ARF1: variants seen among roughly 807,000 people sequenced by gnomAD.
ARF1 encodes ADP-ribosylation factor 1.
In ARF1, 1 loss-of-function variant was observed where a neutral mutation model predicts 18.0. The ratio of observed to expected loss-of-function variants is 0.06; its 90% CI spans 0.02 to 0.26. The LOEUF (loss-of-function observed/expected upper bound fraction) is 0.26. ARF1 is among the 10% of genes least tolerant of loss of function. The pLI, the probability that ARF1 is intolerant of heterozygous loss-of-function variation, is 1.00. For synonymous variants in ARF1, 112 were observed against 96.3 expected, an observed-to-expected ratio of 1.16 and a Z score of -0.95; for missense variants, 73 against 247.2, an observed-to-expected ratio of 0.30 and a Z score of 4.73.
At position 228,098,021 on chromosome 1, in the gene ARF1, C is replaced by T. The variant is rs1435879137; in HGVS notation, c.*8C>T. The T allele has an allele frequency of 1.2e-6, 2 of 1,606,016 alleles. No individual in the cohort carries two copies. Among genetic ancestry groups the T allele is most frequent in the East Asian group, 2.2e-5 (1 of 44,694 alleles). ...CTCCGGAACCAGAAGTGAACGCGAC[C>T]CCCCTCCCTCTCACTCCTCTTGCCC... On this transcript the variant is annotated 3_prime_UTR_variant, in exon 5 of 5. Coordinates refer to ENST00000272102, the MANE Select transcript of ARF1 (RefSeq NM_001658.4).
intron 1 of ARF1, among the ~76,000 whole-genome samples, chr1:228,085,130 T>C (rs1449070017): frequency 2.0e-5 from 3 of 152,270 alleles, no homozygotes; most frequent in African/African-American, 7.2e-5. Context: ...TCTTAAATTA[T>C]GAGAACTTGT....
intron 1 of ARF1, chr1:228,090,418 TC>T (rs2032542170): frequency 6.6e-6 from 1 of 152,216 alleles, no homozygotes; most frequent in Non-Finnish European, 1.5e-5. Context: ...GTTGAAGTAC[TC>T]TCCCGGCAGC....
At chr1:228,083,536 C>T (rs948043858) in intron 1 of ARF1, 19 of 152,400 alleles carry the variant, frequency 1.2e-4, no homozygotes, top group African/African-American at 4.6e-4. Flanking sequence ...GCACCGGTGG[C>T]CTCCAGAGGG....
At chr1:228,084,297 C>T (rs1422222761) in intron 1 of ARF1, among the ~76,000 whole-genome samples, 1 of 152,258 alleles carries the variant, frequency 6.6e-6, no homozygotes, top group Non-Finnish European at 1.5e-5. Context: ...GTTAGTCACA[C>T]ATCTCATTGG....
chr1:228,090,645 C>T (rs2032549850), intron 1 of ARF1: 1 of 152,276 alleles, frequency 6.6e-6, no homozygotes, highest in South Asian at 2.1e-4. Context: ...TGCACCCTGC[C>T]TGCCAGAGTA....
intron 1 of ARF1, among the ~76,000 whole-genome samples, chr1:228,094,077 T>C (rs1558086106): frequency 6.6e-6 from 1 of 151,496 alleles, no homozygotes; most frequent in Non-Finnish European, 1.5e-5. Context: ...GCCCCGGGCA[T>C]GAGGAGGCAG....
At chr1:228,092,662 G>A (rs908773802) in intron 1 of ARF1, among the ~76,000 whole-genome samples, 3 of 152,186 alleles carry the variant, frequency 2.0e-5, no homozygotes, top group Non-Finnish European at 4.4e-5. Flanking sequence ...CAGGTTGGGG[G>A]AGATGATCAA....
chr1:228,086,555 C>G (rs1175417480), intron 1 of ARF1, among the ~76,000 whole-genome samples: 1 of 151,784 alleles, frequency 6.6e-6, no homozygotes, highest in Admixed American at 6.6e-5. Context: ...GCATGAAATT[C>G]CTTGTTGATG....
At chr1:228,091,339 T>TA (rs1365128173) in intron 1 of ARF1, among the ~76,000 whole-genome samples, 4 of 152,306 alleles carry the variant, frequency 2.6e-5, no homozygotes, top group Admixed American at 6.5e-5. Context: ...GCAGATGTGT[T>TA]AGAGGGGACC....
Position 228,089,751 on chromosome 1 carries a change from T to G in ARF1, c.-38+6986T>G, listed in dbSNP as rs1035031363. ...GCAGTGTGCTGTTCCAGTTCCCCTT[T>G]TTTTTTTCAAGTGGTGTAGAAAGGG... On this transcript the variant is annotated intron_variant, in intron 1 of 4. Transcript: ENST00000272102. The surrounding 1 kb of genome is among the most constrained non-coding windows in gnomAD (Gnocchi z 4.1). Among the ~76,000 whole-genome samples, 2 of 152,068 alleles carry G rather than the reference T, an allele frequency of 1.3e-5. No homozygotes were observed. The highest frequency in any genetic ancestry group is 2.9e-5 in the Non-Finnish European group (2 of 67,996).
Position 228,097,276 on chromosome 1 carries a change from C to T in ARF1, c.148+14C>T. 6.2e-7 allele frequency: 1 copy of T among 1,609,392 alleles called. No homozygotes were observed. The highest frequency in any genetic ancestry group is 8.5e-7 in the Non-Finnish European group (1 of 1,177,134). On this transcript the variant is annotated intron_variant, in intron 2 of 4. Transcript: ENST00000272102. This position sits in a 1 kb window ranked among gnomAD's most constrained non-coding sequence, Gnocchi z 8.1. ...TTCCCACCATAGGTGAGGTGGGGGC[C>T]AGCAGGGAGTGGGCTGGGCTGGGCT...
intron 1 of ARF1, among the ~76,000 whole-genome samples, chr1:228,095,397 G>A (rs72756224): frequency 0.013 from 2,053 of 152,258 alleles, 28 homozygotes; most frequent in Non-Finnish European, 0.02. Context: ...ATGGCTCAGC[G>A]CAGGCCTAAG....
intron 1 of ARF1, among the ~76,000 whole-genome samples, chr1:228,085,226 A>G (rs1209865301): frequency 6.6e-6 from 1 of 152,240 alleles, no homozygotes; most frequent in Non-Finnish European, 1.5e-5. Flanking sequence ...TCTTTTGGAA[A>G]AGATTTGGCC....
intron 1 of ARF1, 123 bp from the exon 2 acceptor site, chr1:228,096,955 C>G: frequency 1.1e-6 from 1 of 885,762 alleles, no homozygotes; most frequent in Non-Finnish European, 1.7e-6. Flanking sequence ...AGGGCTCTTT[C>G]CCTGTTTCCC....
intron 1 of ARF1, among the ~76,000 whole-genome samples, chr1:228,093,210 G>A (rs1190318198): frequency 6.6e-6 from 1 of 152,096 alleles, no homozygotes; most frequent in African/African-American, 2.4e-5. Flanking sequence ...GCGGGTTTTG[G>A]CTTGTGTGCA....
intron 1 of ARF1, among the ~76,000 whole-genome samples, chr1:228,086,662 T>A (rs1460116517): frequency 1.3e-5 from 2 of 152,140 alleles, no homozygotes; most frequent in Non-Finnish European, 2.9e-5. Context: ...GAGGGAAAGG[T>A]AGCGCCGTGT....
chr1:228,083,799 C>G (rs1340001122), intron 1 of ARF1, among the ~76,000 whole-genome samples: 1 of 152,230 alleles, frequency 6.6e-6, no homozygotes, highest in Non-Finnish European at 1.5e-5. Context: ...ACCATTCCGA[C>G]GGCACCTCCT....
chr1:228,084,493 G>T (rs2032332189), intron 1 of ARF1, among the ~76,000 whole-genome samples: 1 of 152,234 alleles, frequency 6.6e-6, no homozygotes, highest in Non-Finnish European at 1.5e-5. Flanking sequence ...AGTTGGTTTG[G>T]ACAACAGCTG....
Position 228,089,749 on chromosome 1 carries a change from T to G in ARF1, c.-38+6984T>G, listed in dbSNP as rs1003994711. 1.4e-5 allele frequency among the ~76,000 whole-genome samples: 2 copies of G among 147,838 alleles called. No individual in the cohort carries two copies. Among genetic ancestry groups the G allele is most frequent in the Non-Finnish European group, 3.0e-5 (2 of 66,480 alleles). ...CAGCAGTGTGCTGTTCCAGTTCCCC[T>G]TTTTTTTTTCAAGTGGTGTAGAAAG... On this transcript the variant is annotated intron_variant, in intron 1 of 4. Coordinates refer to ENST00000272102, the MANE Select transcript of ARF1 (RefSeq NM_001658.4). This position sits in a 1 kb window ranked among gnomAD's most constrained non-coding sequence, Gnocchi z 4.1.
Sources: gnomAD v4.1 joint callset for allele counts (sites outside exome capture counted in the v4.1 genomes callset) on GRCh38, gnomAD v4.1.1 for gene constraint, Gnocchi (gnomAD v3.1) non-coding constraint, MANE v1.5 for transcripts, NCBI Gene and HGNC (gene_info 2026-07-23, HGNC 2026-07-21) for gene names.